Variants in TIAM1 observed in about 807,000 individuals in gnomAD.
The protein encoded by TIAM1 is rho guanine nucleotide exchange factor TIAM1.
A neutral mutation model predicts 163.5 loss-of-function variants in TIAM1; 65 were observed. The observed-to-expected ratio is 0.40, with a 90% confidence interval of 0.33 to 0.49. The LOEUF (loss-of-function observed/expected upper bound fraction) is 0.49, where lower values mean the gene tolerates loss of function less well. Among genes scored for constraint, TIAM1 ranks in the 20% least tolerant of loss-of-function variants. TIAM1 has a pLI of 0.77. For synonymous variants in TIAM1, 833 were observed against 810.1 expected, an observed-to-expected ratio of 1.03 and a Z score of -0.48; for missense variants, 1,789 against 2,044.7, an observed-to-expected ratio of 0.87 and a Z score of 2.41.
chr21:31,151,872 C>T (rs768861139), intron 19 of TIAM1, among the ~76,000 whole-genome samples: 2 of 152,110 alleles, frequency 1.3e-5, no homozygotes, highest in African/African-American at 2.4e-5. Context: ...AGCATCCTTG[C>T]TAAGGCACTA....
chr21:31,167,435 C>T (rs746542998), intron 15 of TIAM1, among the ~76,000 whole-genome samples: 2 of 152,048 alleles, frequency 1.3e-5, no homozygotes, highest in Non-Finnish European at 2.9e-5. Flanking sequence ...GAAGAGCAAA[C>T]AAATAAATCT....
At chr21:31,307,547 G>C (rs2074761671) in intron 2 of TIAM1, among the ~76,000 whole-genome samples, 2 of 152,220 alleles carry the variant, frequency 1.3e-5, no homozygotes, top group African/African-American at 4.8e-5. Context: ...CTACCCCGGA[G>C]AACTCTGTGG....
chr21:31,293,322 GT>G (rs2074104763), intron 2 of TIAM1, among the ~76,000 whole-genome samples: 1 of 152,142 alleles, frequency 6.6e-6, no homozygotes, highest in Admixed American at 6.5e-5. Flanking sequence ...GCCTACCAAT[GT>G]TATGAAGGGT....
intron 2 of TIAM1, among the ~76,000 whole-genome samples, chr21:31,278,686 A>G (rs971832176): frequency 1.3e-5 from 2 of 152,198 alleles, no homozygotes; most frequent in African/African-American, 2.4e-5. Flanking sequence ...AAAATATGCT[A>G]TTTAACCATG....
intron 2 of TIAM1, among the ~76,000 whole-genome samples, chr21:31,320,134 T>A (rs963334813): frequency 1.3e-5 from 2 of 152,144 alleles, no homozygotes; most frequent in African/African-American, 4.8e-5. Flanking sequence ...AAGATACATA[T>A]ATATATCATC....
chr21:31,315,532 G>A (rs1346153290), intron 2 of TIAM1, among the ~76,000 whole-genome samples: 7 of 151,312 alleles, frequency 4.6e-5, no homozygotes, highest in East Asian at 3.9e-4. Context: ...AAAAGTAGCC[G>A]GGTGTGGTGG....
In TIAM1 at chr21:31,118,432, T is replaced by G; in HGVS notation, c.*1936A>C. On this transcript the variant is annotated 3_prime_UTR_variant, in exon 28 of 28. Coordinates refer to ENST00000541036, the MANE Select transcript of TIAM1 (RefSeq NM_001353694.2). ...AACCGCCCAGACACTTTTCGTTATT[T>G]TTATTGTTTGACAAGCATTTACAAC... 1 of 362,392 alleles carries G rather than the reference T, an allele frequency of 2.8e-6. No individual in the cohort carries two copies. The highest frequency in any genetic ancestry group is 5.6e-6 in the Non-Finnish European group (1 of 178,714). The allele number at this position is 362,392 out of a possible 1,614,324, so 22.4% of individuals were successfully genotyped here. A position where few individuals can be genotyped will look rare whatever the true frequency, so the allele number is the denominator to read the frequency against.
intron 1 of TIAM1, among the ~76,000 whole-genome samples, chr21:31,509,525 C>A (rs1285714735): frequency 1.3e-5 from 2 of 152,186 alleles, no homozygotes; most frequent in African/African-American, 4.8e-5. Context: ...AACACAAACA[C>A]CCACACCCAG....
chr21:31,155,809 T>C (rs991228234), intron 16 of TIAM1, among the ~76,000 whole-genome samples: 1 of 152,156 alleles, frequency 6.6e-6, no homozygotes, highest in Non-Finnish European at 1.5e-5. Context: ...CCCCGGAAAT[T>C]TTCTTGAAGC....
At chr21:31,336,853 G>C (rs1000452175) in intron 2 of TIAM1, among the ~76,000 whole-genome samples, 1 of 152,132 alleles carries the variant, frequency 6.6e-6, no homozygotes, top group Non-Finnish European at 1.5e-5. Context: ...GGCCAATGGG[G>C]GTAACCAACA....
chr21:31,387,195 C>CTTTCTT (rs1358892699), intron 2 of TIAM1, among the ~76,000 whole-genome samples: 1 of 75,152 alleles, frequency 1.3e-5, no homozygotes, highest in African/African-American at 5.6e-5. Context: ...AGCTTATTCT[C>CTTTCTT]TTTTTTTTTT....
At chr21:31,184,536 G>C (rs918481070) in intron 14 of TIAM1, among the ~76,000 whole-genome samples, 5 of 152,152 alleles carry the variant, frequency 3.3e-5, no homozygotes, top group East Asian at 1.9e-4. Context: ...AGAGCAAGGG[G>C]GTTAGTACAG....
At chr21:31,194,126 CCTTT>C (rs892712123) in intron 13 of TIAM1, among the ~76,000 whole-genome samples, 5 of 142,602 alleles carry the variant, frequency 3.5e-5, no homozygotes, top group African/African-American at 1.4e-4. Context: ...GAGCTATTCT[CCTTT>C]CTCTTTTTTT....
intron 1 of TIAM1, among the ~76,000 whole-genome samples, chr21:31,506,787 G>A (rs562033114): frequency 1.3e-5 from 2 of 152,238 alleles, no homozygotes; most frequent in South Asian, 4.2e-4. Flanking sequence ...GCATGGTGGC[G>A]CAAGCCTGTA....
chr21:31,468,399 C>G (rs541993448), intron 1 of TIAM1, among the ~76,000 whole-genome samples: 3 of 151,944 alleles, frequency 2.0e-5, no homozygotes, highest in Admixed American at 2.0e-4. Context: ...AGGAGAATCG[C>G]TTGAGCCCGC....
At chr21:31,495,753 T>C (rs997764260) in intron 1 of TIAM1, among the ~76,000 whole-genome samples, 1 of 152,058 alleles carries the variant, frequency 6.6e-6, no homozygotes, top group African/African-American at 2.4e-5. Flanking sequence ...GGCGGGGGGA[T>C]CACCTGAGGT....
chr21:31,469,236 G>C (rs939795457), intron 1 of TIAM1, among the ~76,000 whole-genome samples: 37 of 151,690 alleles, frequency 2.4e-4, no homozygotes, highest in Admixed American at 6.6e-5. Context: ...ACAGGCACAC[G>C]CCACCACACC....
At chr21:31,371,138 G>C (rs2076590345) in intron 2 of TIAM1, among the ~76,000 whole-genome samples, 1 of 152,192 alleles carries the variant, frequency 6.6e-6, no homozygotes, top group Non-Finnish European at 1.5e-5. Context: ...CACTTGAAGA[G>C]TTTTAGTTTA....
chr21:31,285,917 C>T (rs1392374952), intron 2 of TIAM1, among the ~76,000 whole-genome samples: 1 of 152,004 alleles, frequency 6.6e-6, no homozygotes. Context: ...GTTCAGTCTT[C>T]CAGATAATGA....
Sources: gnomAD v4.1 joint callset for allele counts (sites outside exome capture counted in the v4.1 genomes callset) on GRCh38, gnomAD v4.1.1 for gene constraint, MANE v1.5 for transcripts, NCBI Gene and HGNC (gene_info 2026-07-23, HGNC 2026-07-21) for gene names.